The following KRTAP10-11 variants were observed in gnomAD, a reference collection of about 807,000 sequenced individuals.
The protein encoded by KRTAP10-11 is keratin associated protein 10-11.
For synonymous variants in KRTAP10-11, 188 were observed against 161.1 expected, an observed-to-expected ratio of 1.17 and a Z score of -1.27; for missense variants, 401 against 378.8, an observed-to-expected ratio of 1.06 and a Z score of -0.49.
Position 44,646,932 on chromosome 21 carries a change from G to A in KRTAP10-11, c.474G>A (p.Val158=). ...TCTGCTGCAAGCCTGTGTGCTGTGT[G>A]TCCACCTGCTCTGAGGATTCCTCTT... is the stretch of plus-strand genomic sequence containing the variant. ...VPVCCKPVCC[V]STCSEDSSSC... Residue 158 remains valine (V), a synonymous_variant, in exon 1 of 1, where the codon GTG becomes GTA. Transcript: ENST00000334670. 1 of 1,610,436 alleles carries A rather than the reference G, an allele frequency of 6.2e-7. No individual in the cohort carries two copies. The highest frequency in any genetic ancestry group is 8.5e-7 in the Non-Finnish European group (1 of 1,179,390).
rs587668286 is a variant in KRTAP10-11, at chr21:44,646,764, T to C, written c.306T>C (p.Pro102=). ...SSPCQQACCV[P]VCCKTVCCKP... is the part of the protein sequence containing the mutation. ...CCTGCCAGCAGGCCTGCTGTGTGCC[T>C]GTCTGCTGCAAGACTGTCTGCTGCA... is the stretch of plus-strand genomic sequence containing the variant. Residue 102 remains proline (P), a synonymous_variant, in exon 1 of 1, where the codon CCT becomes CCC. Transcript: ENST00000334670. 82 of 1,612,782 alleles carry C rather than the reference T, an allele frequency of 5.1e-5. No individual in the cohort carries two copies. In the African/African-American group the frequency reaches 5.5e-4, roughly 11 times the overall value.
At position 44,646,647 on chromosome 21, in the gene KRTAP10-11, G is replaced by A. The variant is rs1984401648; in HGVS notation, c.189G>A (p.Glu63=). 6.2e-7 allele frequency: 1 copy of A among 1,613,586 alleles called. No individual in the cohort carries two copies. The highest frequency in any genetic ancestry group is 1.1e-5 in the South Asian group (1 of 91,036). The change falls in exon 1 of 1, where the codon GAG becomes GAA. Residue 63 remains glutamate, a synonymous_variant. Transcript: ENST00000334670. ...VSSPCCQAAC[E]PSACQSGCTS... is the part of the protein sequence containing the mutation. ...GCCCCTGCTGCCAGGCGGCCTGTGA[G>A]CCCAGCGCCTGCCAATCAGGCTGCA...
At position 44,646,775 on chromosome 21, in the gene KRTAP10-11, A is replaced by G; in HGVS notation, c.317A>G (p.Lys106Arg). Reference protein sequence around the residue: ...QQACCVPVCCKTVCCKPVCCV... With the variant: ...QQACCVPVCCRTVCCKPVCCV... ...GCCTGCTGTGTGCCTGTCTGCTGCA[A>G]GACTGTCTGCTGCAAGCCTGTGTGC... Residue 106 changes from lysine to arginine, a missense_variant, in exon 1 of 1, where the codon AAG (lysine) becomes AGG (arginine). By Grantham distance (26) the Lys-to-Arg change is conservative. Transcript: ENST00000334670. 6.2e-7 allele frequency: 1 copy of G among 1,613,280 alleles called. No homozygotes were observed. The highest frequency in any genetic ancestry group is 8.5e-7 in the Non-Finnish European group (1 of 1,179,678).
At position 44,647,633 on chromosome 21, in the gene KRTAP10-11, A is replaced by C. The variant is rs1984520429; in HGVS notation, c.*278A>C. The stretch of plus-strand genomic sequence containing the variant: ...CAAAGAAGAACTGCTCTAATCAATA[A>C]ATTCTTGAGTCAGGAAATACGGGCT... On this transcript the variant is annotated 3_prime_UTR_variant, in exon 1 of 1. Coordinates refer to ENST00000334670, the MANE Select transcript of KRTAP10-11 (RefSeq NM_198692.3). The C allele has an allele frequency of 6.2e-6, 3 of 484,844 alleles. No individual in the cohort carries two copies. Among genetic ancestry groups the C allele is most frequent in the East Asian group, 3.7e-5 (1 of 27,210 alleles). The allele number at this position is 484,844 out of a possible 1,614,324, so 30.0% of individuals were successfully genotyped here. A position where few individuals can be genotyped will look rare whatever the true frequency, so the allele number is the denominator to read the frequency against.
Position 44,647,455 on chromosome 21 carries a change from A to G in KRTAP10-11, c.*100A>G. On this transcript the variant is annotated 3_prime_UTR_variant, in exon 1 of 1. Coordinates refer to ENST00000334670, the MANE Select transcript of KRTAP10-11 (RefSeq NM_198692.3). ...GTCCTCAGAATCCACCAGCTCCATC[A>G]GTAGCCACAGAGCTGCTGCCTGAAG... 1 of 1,358,674 alleles carries G rather than the reference A, an allele frequency of 7.4e-7. No homozygotes were observed. Among genetic ancestry groups the G allele is most frequent in the Admixed American group, 2.3e-5 (1 of 43,366 alleles). 84.2% of individuals were successfully genotyped at this position (1,358,674 alleles called of 1,614,324 possible). A position where few individuals can be genotyped will look rare whatever the true frequency, so the allele number is the denominator to read the frequency against.
Position 44,646,581 on chromosome 21 carries a change from C to A in KRTAP10-11, c.123C>A (p.Pro41=). 6.2e-7 allele frequency: 1 copy of A among 1,612,484 alleles called. No individual in the cohort carries two copies. Among genetic ancestry groups the A allele is most frequent in the Non-Finnish European group, 8.5e-7 (1 of 1,179,888 alleles). The part of the protein sequence containing the change: ...CSAPSCCAPA[P]SLSLVCTPVS... ...CCCCCAGCTGCTGCGCCCCGGCCCC[C>A]TCCCTGAGCCTGGTCTGCACCCCAG... Residue 41 remains proline, a synonymous_variant, in exon 1 of 1, where the codon CCC becomes CCA. Coordinates refer to ENST00000334670, the MANE Select transcript of KRTAP10-11 (RefSeq NM_198692.3).
Position 44,647,504 on chromosome 21 carries a change from T to C in KRTAP10-11, c.*149T>C. ...AGGGGATTTTGAGCGCGTCACACTT[T>C]CCTCCCCACTGTCTGGGAAGAGACA... On this transcript the variant is annotated 3_prime_UTR_variant, in exon 1 of 1. Transcript: ENST00000334670. 1.1e-6 allele frequency: 1 copy of C among 935,876 alleles called. No individual in the cohort carries two copies. Among genetic ancestry groups the C allele is most frequent in the Non-Finnish European group, 1.6e-6 (1 of 628,404 alleles). 58.0% of individuals were successfully genotyped at this position (935,876 alleles called of 1,614,324 possible).
At position 44,647,333 on chromosome 21, in the gene KRTAP10-11, C is replaced by T; in HGVS notation, c.875C>T (p.Ser292Leu). ...CGCCTGGCCTGCTACAGCCTCTGCTCAGGCAAGAAGTCCAGCTGCTGAGTG... is the reference window on the plus strand; with the variant it reads ...CGCCTGGCCTGCTACAGCCTCTGCTTAGGCAAGAAGTCCAGCTGCTGAGTG... Reference protein sequence around the residue: ...SSRLACYSLCSGKKSSC With the variant: ...SSRLACYSLCLGKKSSC Residue 292 changes from serine to leucine, a missense_variant, in exon 1 of 1, where the codon TCA becomes TTA. By Grantham distance (145) the Ser-to-Leu change is moderately radical (BLOSUM62 -2). Transcript: ENST00000334670. 6.2e-7 allele frequency: 1 copy of T among 1,613,888 alleles called. No individual in the cohort carries two copies. The highest frequency in any genetic ancestry group is 8.5e-7 in the Non-Finnish European group (1 of 1,179,852).
At position 44,646,979 on chromosome 21, in the gene KRTAP10-11, G is replaced by A; in HGVS notation, c.521G>A (p.Cys174Tyr). 1.9e-6 allele frequency: 3 copies of A among 1,613,424 alleles called. No homozygotes were observed. Among genetic ancestry groups the A allele is most frequent in the Non-Finnish European group, 2.5e-6 (3 of 1,179,890 alleles). Residue 174 changes from cysteine (C) to tyrosine (Y), a missense_variant, in exon 1 of 1, where the codon TGC becomes TAC. Cys to Tyr is a radical substitution (Grantham distance 194). Transcript: ENST00000334670. ...DSSSCCQQSS[C>Y]QPACCTSSSY... ...TCTTCATGCTGCCAGCAGTCTAGCT[G>A]CCAGCCAGCTTGCTGCACCTCCTCC...
chr21:44,646,510 C>A lies in KRTAP10-11; in HGVS notation c.52C>A (p.Gln18Lys). The A allele has an allele frequency of 1.2e-6, 2 of 1,612,990 alleles. No individual in the cohort carries two copies. Among genetic ancestry groups the A allele is most frequent in the Non-Finnish European group, 1.7e-6 (2 of 1,179,988 alleles). ...CTCCAGCGCTTACTCCGACTCCTGG[C>A]AGGTGGACGACTGCCCAGAGAGCTG... ...VCSSAYSDSW[Q>K]VDDCPESCCE... Residue 18 changes from glutamine (Q) to lysine (K), a missense_variant, in exon 1 of 1, where the codon CAG (glutamine) becomes AAG (lysine). Physicochemically the swap from Gln to Lys is moderately conservative, Grantham distance 53. Transcript: ENST00000334670.
the KRTAP10-11 span, chr21:44,646,992 C>CT: frequency 6.2e-7 from 1 of 1,613,884 alleles, no homozygotes; most frequent in Non-Finnish European, 8.5e-7. Context: ...AGCCAGCTTG[C>CT]TGCACCTCCT....
In KRTAP10-11 at chr21:44,646,593, G is replaced by T. The variant is rs1555939853; in HGVS notation, c.135G>T (p.Leu45=). Residue 45 remains leucine, a synonymous_variant, in exon 1 of 1, where the codon CTG becomes CTT. Coordinates refer to ENST00000334670, the MANE Select transcript of KRTAP10-11 (RefSeq NM_198692.3). The stretch of plus-strand genomic sequence containing the variant: ...GCGCCCCGGCCCCCTCCCTGAGCCT[G>T]GTCTGCACCCCAGTGAGCTGTGTGT... ...SCCAPAPSLS[L]VCTPVSCVSS... is the part of the protein sequence containing the mutation. 1 of 1,612,474 alleles carries T rather than the reference G, an allele frequency of 6.2e-7. No homozygotes were observed. The highest frequency in any genetic ancestry group is 8.5e-7 in the Non-Finnish European group (1 of 1,179,836).
At position 44,647,228 on chromosome 21, in the gene KRTAP10-11, G is replaced by C. The variant is rs1555940323; in HGVS notation, c.770G>C (p.Cys257Ser). 6.2e-7 allele frequency: 1 copy of C among 1,606,192 alleles called. No homozygotes were observed. The highest frequency in any genetic ancestry group is 2.3e-5 in the East Asian group (1 of 44,410). The change falls in exon 1 of 1, where the codon TGT (cysteine) becomes TCT (serine). Residue 257 changes from cysteine to serine, a missense_variant. Physicochemically the swap from Cys to Ser is moderately radical, Grantham distance 112. Coordinates refer to ENST00000334670, the MANE Select transcript of KRTAP10-11 (RefSeq NM_198692.3). ...TGCTGTGTGCCCGTCTCCTCCTGCT[G>C]TGCCCCCACCTCCTCCTGCCAGTCC... is the stretch of plus-strand genomic sequence containing the variant. Reference protein sequence around the residue: ...STCCVPVSSCCAPTSSCQSSC... With the variant: ...STCCVPVSSCSAPTSSCQSSC...
rs782008379 is a variant in KRTAP10-11, at chr21:44,646,693, TGCTGCCAGCAGTCTA to T, written c.245_259del (p.Gln82_Gln86del). 26 of 1,614,024 alleles carry T rather than the reference TGCTGCCAGCAGTCTA, an allele frequency of 1.6e-5. 1 individual carries two copies. Among genetic ancestry groups the T allele is most frequent in the Middle Eastern group, 3.3e-4 (2 of 6,078 alleles). ...CTGCACCAGCTCCTGCACGCCGTCA[TGCTGCCAGCAGTCTA>T]GCTGCCAGCCGGCTTGCTGCACCTC... On this transcript the variant is annotated inframe_deletion, in exon 1 of 1. Transcript: ENST00000334670.
rs879987864 is a variant in KRTAP10-11, at chr21:44,646,951, T to A, written c.493T>A (p.Ser165Thr). The stretch of plus-strand genomic sequence containing the variant: ...CTGTGTGTCCACCTGCTCTGAGGAT[T>A]CCTCTTCATGCTGCCAGCAGTCTAG... ...VCCVSTCSED[S>T]SSCCQQSSCQ... is the part of the protein sequence containing the mutation. The change falls in exon 1 of 1, where the codon TCC becomes ACC. Residue 165 changes from serine (S) to threonine (T), a missense_variant. Ser to Thr is a moderately conservative substitution (Grantham distance 58). Transcript: ENST00000334670. The A allele has an allele frequency of 1.2e-6, 2 of 1,603,300 alleles. No individual in the cohort carries two copies. The highest frequency in any genetic ancestry group is 2.2e-5 in the South Asian group (2 of 90,702).
At chr21:44,646,517 A>ACG in the KRTAP10-11 span, 1 of 1,612,304 alleles carries the variant, frequency 6.2e-7, no homozygotes, top group Non-Finnish European at 8.5e-7. Context: ...TGGCAGGTGG[A>ACG]CGACTGCCCA....
rs587654915 is a variant in KRTAP10-11 at position 44,646,569 on chromosome 21, C to T, written c.111C>T (p.Cys37=). 1.3e-4 allele frequency: 205 copies of T among 1,612,386 alleles called. No homozygotes were observed. In the South Asian group the frequency reaches 1.7e-3, roughly 13 times the overall value. ...CCCCCTGCAGCGCCCCCAGCTGCTG[C>T]GCCCCGGCCCCCTCCCTGAGCCTGG... is the stretch of plus-strand genomic sequence containing the variant. ...CEPPCSAPSC[C]APAPSLSLVC... The change falls in exon 1 of 1, where the codon TGC becomes TGT. Residue 37 remains cysteine, a synonymous_variant. Coordinates refer to ENST00000334670, the MANE Select transcript of KRTAP10-11 (RefSeq NM_198692.3).
chr21:44,646,964 G>T lies in KRTAP10-11; in HGVS notation c.506G>T (p.Cys169Phe). 5.6e-6 allele frequency: 9 copies of T among 1,612,720 alleles called. No individual in the cohort carries two copies. The highest frequency in any genetic ancestry group is 7.6e-6 in the Non-Finnish European group (9 of 1,179,736). Reference protein sequence around the residue: ...STCSEDSSSCCQQSSCQPACC... With the variant: ...STCSEDSSSCFQQSSCQPACC... ...TGCTCTGAGGATTCCTCTTCATGCT[G>T]CCAGCAGTCTAGCTGCCAGCCAGCT... Residue 169 changes from cysteine (C) to phenylalanine (F), a missense_variant, in exon 1 of 1, where the codon TGC (cysteine) becomes TTC (phenylalanine). Transcript: ENST00000334670.
rs782696696 is a variant in KRTAP10-11 at position 44,646,827 on chromosome 21, T to C, written c.369T>C (p.Ala123=). 33 of 1,563,724 alleles carry C rather than the reference T, an allele frequency of 2.1e-5. No individual in the cohort carries two copies. In the South Asian group the frequency reaches 3.1e-4, roughly 15 times the overall value. The change falls in exon 1 of 1, where the codon GCT becomes GCC. Residue 123 remains alanine, a synonymous_variant. Coordinates refer to ENST00000334670, the MANE Select transcript of KRTAP10-11 (RefSeq NM_198692.3). ...GTGTGCCTGTCTGCTGTGGGGCTGC[T>C]TCTTCGTGCTGCCGGCAGTCTAGCT... ...VCCVPVCCGA[A]SSCCRQSSCQ...
Sources: allele counts gnomAD v4.1 joint callset, GRCh38; gene constraint gnomAD v4.1.1; transcripts MANE v1.5; gene names NCBI Gene and HGNC (gene_info 2026-07-23, HGNC 2026-07-21).